TLE4: variants seen among roughly 807,000 people sequenced by gnomAD.
TLE4 encodes transducin-like enhancer protein 4.
A neutral mutation model predicts 92.8 loss-of-function variants in TLE4; 8 were observed. That is an observed-to-expected ratio of 0.09 (90% confidence interval 0.05 to 0.16). The LOEUF is 0.16. Among genes scored for constraint, TLE4 ranks in the 10% least tolerant of loss-of-function variants. TLE4 has a pLI of 1.00. For synonymous variants in TLE4, 371 were observed against 374.1 expected (o/e 0.99, Z 0.10); for missense variants, 675 against 997.6 (o/e 0.68, Z 4.36).
At chr9:79,652,508 G>C (rs541310417) in intron 6 of TLE4, 85 bp from the exon 7 acceptor site, 2 of 1,512,894 alleles carry the variant, frequency 1.3e-6, no homozygotes, top group Admixed American at 1.7e-5. Context: ...TTTTACTGCC[G>C]ATTTATGCCT....
intron 8 of TLE4, among the ~76,000 whole-genome samples, chr9:79,668,087 C>T (rs778986714): frequency 6.6e-6 from 1 of 152,230 alleles, no homozygotes; most frequent in East Asian, 1.9e-4. Context: ...AGGAGAACAG[C>T]GTTTCCTCCT....
chr9:79,600,599 G>A (rs1017252047), intron 4 of TLE4, among the ~76,000 whole-genome samples: 1 of 152,190 alleles, frequency 6.6e-6, no homozygotes, highest in Non-Finnish European at 1.5e-5. Context: ...GGCAGTTTGT[G>A]TATCAGAATC....
At chr9:79,629,347 C>T (rs2053585712) in intron 6 of TLE4, among the ~76,000 whole-genome samples, 1 of 152,060 alleles carries the variant, frequency 6.6e-6, no homozygotes, top group South Asian at 2.1e-4. Context: ...CTTCACTTCA[C>T]ATCAAGAATA....
intron 8 of TLE4, among the ~76,000 whole-genome samples, chr9:79,699,805 A>C (rs543433664): frequency 2.4e-4 from 36 of 152,356 alleles, no homozygotes; most frequent in Admixed American, 8.5e-4. Context: ...TCCATTGTGG[A>C]GATGGTATTT....
At chr9:79,662,034 T>C (rs1432733228) in intron 8 of TLE4, among the ~76,000 whole-genome samples, 2 of 152,192 alleles carry the variant, frequency 1.3e-5, no homozygotes, top group South Asian at 2.1e-4. Flanking sequence ...TCCTTCACAC[T>C]GTTTAATATT....
intron 5 of TLE4, among the ~76,000 whole-genome samples, chr9:79,625,241 G>A (rs1180729872): frequency 6.6e-6 from 1 of 151,308 alleles, no homozygotes; most frequent in Non-Finnish European, 1.5e-5. Flanking sequence ...GGATGGTCTC[G>A]ATCTCCTGAC....
At chr9:79,594,472 C>G (rs1181169640) in intron 4 of TLE4, among the ~76,000 whole-genome samples, 2 of 152,056 alleles carry the variant, frequency 1.3e-5, no homozygotes, top group African/African-American at 4.8e-5. Flanking sequence ...TGCTTAAGCT[C>G]CATCCAGACT....
At chr9:79,638,564 A>G (rs1222000616) in intron 6 of TLE4, among the ~76,000 whole-genome samples, 1 of 150,024 alleles carries the variant, frequency 6.7e-6, no homozygotes, top group Non-Finnish European at 1.5e-5. Context: ...TTTTCTTGGT[A>G]GATTCATAAA....
chr9:79,685,170 C>T (rs1025443567), intron 8 of TLE4, among the ~76,000 whole-genome samples: 11 of 152,138 alleles, frequency 7.2e-5, no homozygotes, highest in South Asian at 4.1e-4. Context: ...GTTTCCAAGA[C>T]GACTTTGATG....
At chr9:79,628,904 GTGTGTA>G (rs951045998) in intron 6 of TLE4, among the ~76,000 whole-genome samples, 54 of 149,324 alleles carry the variant, frequency 3.6e-4, no homozygotes, top group Admixed American at 1.1e-3. Context: ...GTGTGTGTGT[GTGTGTA>G]TATGTATAAA....
rs774439933 is a variant in TLE4 at position 79,722,534 on chromosome 9, C to T, written c.2070C>T (p.Thr690=). Residue 690 remains threonine (T), a synonymous_variant, in exon 18 of 20, where the codon ACC becomes ACT. Coordinates refer to ENST00000376552, the MANE Select transcript of TLE4 (RefSeq NM_007005.6). The stretch of plus-strand genomic sequence containing the variant: ...GCAATGTGGAAGTTTTGCATGTCAC[C>T]AAGCCAGACAAATACCAACTACATC... ...ENSNVEVLHV[T]KPDKYQLHLH... 9.3e-6 allele frequency: 15 copies of T among 1,614,190 alleles called. No individual in the cohort carries two copies. The East Asian group carries it at 1.8e-4, about 19-fold the overall frequency.
At chr9:79,588,029 G>T (rs569436878) in intron 4 of TLE4, among the ~76,000 whole-genome samples, 14 of 152,114 alleles carry the variant, frequency 9.2e-5, no homozygotes, top group African/African-American at 1.7e-4. Context: ...ACAGAGTAGG[G>T]GTGTCAAGGC....
intron 5 of TLE4, among the ~76,000 whole-genome samples, chr9:79,616,441 A>G (rs1362712504): frequency 1.3e-5 from 2 of 152,184 alleles, no homozygotes; most frequent in African/African-American, 2.4e-5. Flanking sequence ...GGGATTAACT[A>G]CAGTAGCAGC....
chr9:79,726,073 G>A lies in TLE4; in HGVS notation c.*929G>A, dbSNP rs1485781724. On this transcript the variant is annotated 3_prime_UTR_variant, in exon 20 of 20. Transcript: ENST00000376552. ...CTCTTTGGGAGCTGCACAGTTATGG[G>A]GAGGACTCCCACTGCTGTGCAAGTT... The A allele has an allele frequency of 1.3e-5, 2 of 152,594 alleles. No individual in the cohort carries two copies. The highest frequency in any genetic ancestry group is 2.9e-5 in the Non-Finnish European group (2 of 68,048). 9.5% of individuals were successfully genotyped at this position (152,594 alleles called of 1,614,324 possible). A position where few individuals can be genotyped will look rare whatever the true frequency, so the allele number is the denominator to read the frequency against.
At chr9:79,669,441 T>C (rs1281235326) in intron 8 of TLE4, among the ~76,000 whole-genome samples, 27 of 152,200 alleles carry the variant, frequency 1.8e-4, no homozygotes, top group Admixed American at 1.8e-3. Flanking sequence ...AAAATGTCTT[T>C]TGGAAGAGTG....
At chr9:79,640,423 A>T (rs530866531) in intron 6 of TLE4, among the ~76,000 whole-genome samples, 3 of 149,856 alleles carry the variant, frequency 2.0e-5, no homozygotes, top group Non-Finnish European at 4.5e-5. Flanking sequence ...GTGGCTTTTA[A>T]TTTTTTTTTT....
At chr9:79,636,999 G>C (rs1445335649) in intron 6 of TLE4, among the ~76,000 whole-genome samples, 1 of 152,142 alleles carries the variant, frequency 6.6e-6, no homozygotes, top group African/African-American at 2.4e-5. Flanking sequence ...CGCATGGACT[G>C]GTAGAAAATA....
intron 5 of TLE4, among the ~76,000 whole-genome samples, chr9:79,613,328 C>T (rs17082574): frequency 0.011 from 1,705 of 152,090 alleles, 38 homozygotes; most frequent in African/African-American, 0.039. Flanking sequence ...GCCTGGCATG[C>T]GGCTCACTAG....
intron 6 of TLE4, among the ~76,000 whole-genome samples, chr9:79,638,608 T>G (rs2056485352): frequency 6.6e-6 from 1 of 152,118 alleles, no homozygotes; most frequent in Non-Finnish European, 1.5e-5. Flanking sequence ...CAGATTGTTT[T>G]CTGTGACCAT....
Sources: allele counts gnomAD v4.1 joint callset (sites outside exome capture counted in the v4.1 genomes callset), GRCh38; gene constraint gnomAD v4.1.1; transcripts MANE v1.5; gene names NCBI Gene and HGNC (gene_info 2026-07-23, HGNC 2026-07-21).